Variants in LRRC8B observed in about 807,000 individuals in gnomAD.
LRRC8B encodes leucine rich repeat containing 8 VRAC subunit B.
A neutral mutation model predicts 58.8 loss-of-function variants in LRRC8B; 23 were observed. That is an observed-to-expected ratio of 0.39 (90% CI 0.28 to 0.55). The LOEUF is 0.55. Ranked by LOEUF, LRRC8B falls within the 20% of genes least tolerant of loss-of-function variation. The pLI is 0.62. For missense variants in LRRC8B, 694 were observed against 936.0 expected, an observed-to-expected ratio of 0.74 and a Z score of 3.37; for synonymous variants, 359 against 374.1, an observed-to-expected ratio of 0.96 and a Z score of 0.47.
intron 1 of LRRC8B, among the ~76,000 whole-genome samples, chr1:89,531,745 C>A (rs1650150093): frequency 6.6e-6 from 1 of 152,236 alleles, no homozygotes; most frequent in African/African-American, 2.4e-5. Context: ...TACTGGCCTA[C>A]TTCTGTTTTG....
In LRRC8B at chr1:89,582,961, A is replaced by G; in HGVS notation, c.311A>G (p.Tyr104Cys). 2 of 1,614,166 alleles carry G rather than the reference A, an allele frequency of 1.2e-6. No homozygotes were observed. The highest frequency in any genetic ancestry group is 1.7e-6 in the Non-Finnish European group (2 of 1,180,024). The part of the protein sequence containing the change: ...QNDLHRQQYS[Y>C]IDAVCYEKQL... ...GACCTCCACCGACAGCAGTACTCCTATATTGATGCCGTCTGTTACGAGAAA... is the reference window on the plus strand; with the variant it reads ...GACCTCCACCGACAGCAGTACTCCTGTATTGATGCCGTCTGTTACGAGAAA... Residue 104 changes from tyrosine (Y) to cysteine (C), a missense_variant, in exon 5 of 6, where the codon TAT becomes TGT. This residue lies in a region of LRRC8B where 316 missense variants were observed against 403.8 expected (regional missense o/e 0.78). Coordinates refer to ENST00000330947, the MANE Select transcript of LRRC8B (RefSeq NM_001369817.2).
intron 1 of LRRC8B, among the ~76,000 whole-genome samples, chr1:89,558,446 T>C (rs1310540429): frequency 6.6e-6 from 1 of 152,058 alleles, no homozygotes; most frequent in Non-Finnish European, 1.5e-5. Context: ...TAGAAAGAGC[T>C]CTCTGACTGC....
At chr1:89,567,368 G>A (rs1191165169) in intron 1 of LRRC8B, among the ~76,000 whole-genome samples, 2 of 152,182 alleles carry the variant, frequency 1.3e-5, no homozygotes, top group African/African-American at 4.8e-5. Context: ...CTTGACAGCA[G>A]TGGCTTCACC....
intron 1 of LRRC8B, among the ~76,000 whole-genome samples, chr1:89,525,367 T>A (rs1230944109): frequency 6.6e-6 from 1 of 152,124 alleles, no homozygotes; most frequent in Admixed American, 6.5e-5. Flanking sequence ...GCGTGAGTCC[T>A]CGGGGCGGGG....
rs749227799 is a variant in LRRC8B at position 89,593,024 on chromosome 1, C to T, written c.2393C>T (p.Thr798Met). The T allele has an allele frequency of 3.5e-5, 56 of 1,611,868 alleles. No homozygotes were observed. The highest frequency in any genetic ancestry group is 5.5e-5 in the South Asian group (5 of 90,914). ...CTCCCTGTAACAGAACGTTTACAGACGTGCTTAGACAAATGTTGACTTAAA... is the reference window on the plus strand; with the variant it reads ...CTCCCTGTAACAGAACGTTTACAGATGTGCTTAGACAAATGTTGACTTAAA... ...LPLPVTERLQ[T>M]CLDKC Residue 798 changes from threonine (T) to methionine (M), a missense_variant, in exon 6 of 6, where the codon ACG (threonine) becomes ATG (methionine). Around this residue, in one of 5 missense-constraint regions of LRRC8B, gnomAD observed 139 missense variants for 158.2 expected, o/e 0.88. Coordinates refer to ENST00000330947, the MANE Select transcript of LRRC8B (RefSeq NM_001369817.2).
rs1412023141 is a variant in LRRC8B, at chr1:89,583,436, A to G, written c.786A>G (p.Ile262Met). ...TTTATAGAGTATATCTGAAACAGATAATAGTCAAAGTCATTTTGTTTGTGC... is the reference window on the plus strand; with the variant it reads ...TTTATAGAGTATATCTGAAACAGATGATAGTCAAAGTCATTTTGTTTGTGC... Reference protein sequence around the residue: ...DIIYRVYLKQIIVKVILFVLI... With the variant: ...DIIYRVYLKQMIVKVILFVLI... The change falls in exon 5 of 6, where the codon ATA becomes ATG. Residue 262 changes from isoleucine to methionine, a missense_variant. Physicochemically the swap from Ile to Met is conservative, Grantham distance 10 (BLOSUM62 1). This residue lies in a region of LRRC8B where 316 missense variants were observed against 403.8 expected (regional missense o/e 0.78). Coordinates refer to ENST00000330947, the MANE Select transcript of LRRC8B (RefSeq NM_001369817.2). The surrounding 1 kb of genome is among the most constrained non-coding windows in gnomAD (Gnocchi z 5.2). 3 of 1,614,060 alleles carry G rather than the reference A, an allele frequency of 1.9e-6. No individual in the cohort carries two copies. The African/African-American group carries it at 4.0e-5, about 22-fold the overall frequency.
intron 3 of LRRC8B, among the ~76,000 whole-genome samples, chr1:89,578,625 A>G (rs867121505): frequency 1.7e-4 from 26 of 152,350 alleles, no homozygotes; most frequent in African/African-American, 6.0e-4. Flanking sequence ...ATTTGAAATG[A>G]CAAGCTTAAA....
At chr1:89,562,009 A>G (rs191157927) in intron 1 of LRRC8B, among the ~76,000 whole-genome samples, 185 of 152,320 alleles carry the variant, frequency 1.2e-3, no homozygotes, top group African/African-American at 4.3e-3. Flanking sequence ...AATCATGCAA[A>G]AATGAGTTTA....
Position 89,593,910 on chromosome 1 carries a change from C to G in LRRC8B, c.*867C>G, listed in dbSNP as rs1010157668. ...CCTTTCCCAGCTTGCTTGAGTCTTC[C>G]TTAACCTGGTTTTCTCTTAACACCA... On this transcript the variant is annotated 3_prime_UTR_variant, in exon 6 of 6. Transcript: ENST00000330947. 1 of 152,078 alleles carries G rather than the reference C, an allele frequency of 6.6e-6. No individual in the cohort carries two copies. The highest frequency in any genetic ancestry group is 2.1e-4 in the South Asian group (1 of 4,820). 9.4% of individuals were successfully genotyped at this position (152,078 alleles called of 1,614,324 possible). A position where few individuals can be genotyped will look rare whatever the true frequency, so the allele number is the denominator to read the frequency against.
At chr1:89,550,326 G>A (rs910348886) in intron 1 of LRRC8B, among the ~76,000 whole-genome samples, 29 of 152,092 alleles carry the variant, frequency 1.9e-4, no homozygotes, top group African/African-American at 6.0e-4. Context: ...TTAACGAGTT[G>A]TTCATGCTGC....
At chr1:89,539,262 C>T (rs565050719) in intron 1 of LRRC8B, among the ~76,000 whole-genome samples, 3 of 152,010 alleles carry the variant, frequency 2.0e-5, no homozygotes, top group Admixed American at 1.3e-4. Flanking sequence ...TTGCCCTCTC[C>T]GCCCCCCATA....
intron 1 of LRRC8B, among the ~76,000 whole-genome samples, chr1:89,540,546 G>C (rs923564949): frequency 5.9e-5 from 9 of 152,172 alleles, no homozygotes; most frequent in Non-Finnish European, 8.8e-5. Context: ...TGACACGAAT[G>C]AAAGAACAAG....
chr1:89,552,818 G>A (rs1365033719), intron 1 of LRRC8B, among the ~76,000 whole-genome samples: 3 of 152,170 alleles, frequency 2.0e-5, no homozygotes, highest in African/African-American at 7.2e-5. Flanking sequence ...ATAGAAGACT[G>A]GGGACACTGC....
chr1:89,534,715 TA>T (rs1650402538), intron 1 of LRRC8B, among the ~76,000 whole-genome samples: 1 of 152,216 alleles, frequency 6.6e-6, no homozygotes, highest in Non-Finnish European at 1.5e-5. Flanking sequence ...TCTTGCCATA[TA>T]AATATATGGG....
chr1:89,562,142 C>A (rs1459062528), intron 1 of LRRC8B, among the ~76,000 whole-genome samples: 2 of 148,522 alleles, frequency 1.3e-5, no homozygotes, highest in Non-Finnish European at 3.0e-5. Flanking sequence ...CTTATAACCA[C>A]CTCCCAAAAC....
intron 1 of LRRC8B, among the ~76,000 whole-genome samples, chr1:89,565,916 C>T (rs1653015937): frequency 1.3e-5 from 2 of 152,180 alleles, no homozygotes; most frequent in Admixed American, 1.3e-4. Context: ...AAAGAGCCCT[C>T]TGGGTCCGCC....
chr1:89,584,227 T>C lies in LRRC8B; in HGVS notation c.1577T>C (p.Leu526Ser). Residue 526 changes from leucine to serine, a missense_variant, in exon 5 of 6, where the codon TTG becomes TCG. Physicochemically the swap from Leu to Ser is moderately radical, Grantham distance 145. This residue lies in a region of LRRC8B where 162 missense variants were observed against 198.5 expected (regional missense o/e 0.82). Transcript: ENST00000330947. ...TCGGGCTGTGTTCTCCCTGAACAGT[T>C]GAGTACTATGCAGTTGGAGGGCTTT... ...YLSGCVLPEQ[L>S]STMQLEGFQD... is the part of the protein sequence containing the mutation. 6.2e-7 allele frequency: 1 copy of C among 1,612,252 alleles called. No individual in the cohort carries two copies. Among genetic ancestry groups the C allele is most frequent in the South Asian group, 1.1e-5 (1 of 91,084 alleles).
At chr1:89,568,692 GTCA>G (rs1653211381) in intron 3 of LRRC8B, among the ~76,000 whole-genome samples, 199 bp downstream of exon 3, 1 of 152,052 alleles carries the variant, frequency 6.6e-6, no homozygotes. Context: ...TAGTAAAAAT[GTCA>G]TCTTCCTACT....
Position 89,583,512 on chromosome 1 carries a change from G to A in LRRC8B, c.862G>A (p.Asp288Asn), listed in dbSNP as rs17131746. The change falls in exon 5 of 6, where the codon GAC becomes AAC. Residue 288 changes from aspartate to asparagine, a missense_variant. Coordinates refer to ENST00000330947, the MANE Select transcript of LRRC8B (RefSeq NM_001369817.2). This position sits in a 1 kb window ranked among gnomAD's most constrained non-coding sequence, Gnocchi z 5.2. ...YFLTHITLEI[D>N]CSVDVQAFTG... ...TTTAACCCACATCACTCTTGAAATC[G>A]ACTGTTCAGTTGATGTGCAGGCTTT... is the stretch of plus-strand genomic sequence containing the variant. 4.0e-3 allele frequency: 6,401 copies of A among 1,613,332 alleles called. 232 individuals carry two copies. In the African/African-American group the frequency reaches 0.076, roughly 19 times the overall value.
Sources: allele counts gnomAD v4.1 joint callset (sites outside exome capture counted in the v4.1 genomes callset), GRCh38; gene constraint gnomAD v4.1.1; regional missense constraint gnomAD v4.1.1; non-coding constraint Gnocchi (gnomAD v3.1); transcripts MANE v1.5; gene names NCBI Gene and HGNC (gene_info 2026-07-23, HGNC 2026-07-21).